Variants in UGT1A6 observed in about 807,000 individuals in gnomAD.
UGT1A6 encodes the protein UDP-glucuronosyltransferase 1A6.
In UGT1A6, 32 loss-of-function variants were observed where a neutral mutation model predicts 44.4. The observed-to-expected ratio is 0.72, with a 90% CI of 0.54 to 0.97. The LOEUF (loss-of-function observed/expected upper bound fraction) is 0.97. Ranked by LOEUF, UGT1A6 falls within the 50% of genes least tolerant of loss-of-function variation. The pLI, the probability that UGT1A6 is intolerant of heterozygous loss-of-function variation, is 0.00. For synonymous variants in UGT1A6, 238 were observed against 248.5 expected (o/e 0.96, Z 0.40); for missense variants, 685 against 661.9 (o/e 1.03, Z -0.38).
chr2:233,762,105 C>T (rs879435361), intron 1 of UGT1A6, among the ~76,000 whole-genome samples: 8 of 151,972 alleles, frequency 5.3e-5, no homozygotes, highest in Non-Finnish European at 1.0e-4. Flanking sequence ...GTTGATTGTC[C>T]GCTTCACATC....
rs1321370763 is a variant in UGT1A6 at position 233,760,541 on chromosome 2, G to A, written c.862-6493G>A. 6.2e-7 allele frequency: 1 copy of A among 1,614,268 alleles called. No homozygotes were observed. Among genetic ancestry groups the A allele is most frequent in the Non-Finnish European group, 8.5e-7 (1 of 1,180,050 alleles). On this transcript the variant is annotated intron_variant, in intron 1 of 4. Coordinates refer to ENST00000305139, the MANE Select transcript of UGT1A6 (RefSeq NM_001072.4). ...AAGACGTACCCTGTGCCATTCCAAA[G>A]GGAGGATGTGAAAGAGTCTTTTGTT... is the stretch of plus-strand genomic sequence containing the variant.
intron 1 of UGT1A6, among the ~76,000 whole-genome samples, chr2:233,702,779 G>A (rs558414235): frequency 6.6e-6 from 1 of 152,162 alleles, no homozygotes; most frequent in African/African-American, 2.4e-5. Context: ...ATTTGCAGGT[G>A]TAAACGAACC....
intron 1 of UGT1A6, among the ~76,000 whole-genome samples, chr2:233,701,252 G>A (rs1473537336): frequency 6.6e-6 from 1 of 152,058 alleles, no homozygotes; most frequent in Non-Finnish European, 1.5e-5. Flanking sequence ...AGATGGCTGG[G>A]TCAAATGGTA....
intron 1 of UGT1A6, among the ~76,000 whole-genome samples, chr2:233,697,807 T>G (rs943865448): frequency 3.9e-5 from 6 of 152,202 alleles, no homozygotes; most frequent in African/African-American, 1.4e-4. Flanking sequence ...TTTTAAATTT[T>G]CTTTTTAATT....
intron 1 of UGT1A6, among the ~76,000 whole-genome samples, chr2:233,733,498 T>C (rs1311327798): frequency 2.0e-5 from 3 of 152,236 alleles, no homozygotes; most frequent in Non-Finnish European, 4.4e-5. Context: ...ACCTAGTTTA[T>C]TGCCAGTTTT....
intron 1 of UGT1A6, among the ~76,000 whole-genome samples, chr2:233,738,155 C>A (rs1206692436): frequency 1.3e-5 from 2 of 152,160 alleles, no homozygotes; most frequent in Non-Finnish European, 2.9e-5. Context: ...GCAAGCTATT[C>A]CTCTTTCTCT....
At chr2:233,715,990 C>G (rs1207588761) in intron 1 of UGT1A6, among the ~76,000 whole-genome samples, 3 of 152,156 alleles carry the variant, frequency 2.0e-5, no homozygotes, top group Non-Finnish European at 4.4e-5. Context: ...TAAAACACAA[C>G]AAAACCCAAA....
At chr2:233,765,565 G>A (rs1156273508) in intron 1 of UGT1A6, among the ~76,000 whole-genome samples, 1 of 152,072 alleles carries the variant, frequency 6.6e-6, no homozygotes, top group Non-Finnish European at 1.5e-5. Context: ...GTGAGAATGC[G>A]TAGACGCAGG....
chr2:233,703,165 C>T (rs1009134822), intron 1 of UGT1A6, among the ~76,000 whole-genome samples: 1 of 152,064 alleles, frequency 6.6e-6, no homozygotes, highest in Non-Finnish European at 1.5e-5. Context: ...CTTCTTGATT[C>T]AATTTCAGTA....
chr2:233,695,707 A>C (rs767200635), intron 1 of UGT1A6, among the ~76,000 whole-genome samples: 1 of 152,126 alleles, frequency 6.6e-6, no homozygotes, highest in African/African-American at 2.4e-5. Context: ...TTCACCTAAC[A>C]TAATGACTTC....
chr2:233,729,850 G>A (rs916795505), intron 1 of UGT1A6: 7 of 1,613,752 alleles, frequency 4.3e-6, no homozygotes, highest in African/African-American at 1.3e-5. Context: ...TTTTCAGAGA[G>A]AGGTGTCAGT....
intron 1 of UGT1A6, among the ~76,000 whole-genome samples, chr2:233,715,235 G>A (rs1381956568): frequency 1.3e-5 from 2 of 152,090 alleles, no homozygotes; most frequent in Non-Finnish European, 2.9e-5. Flanking sequence ...CCAATTCTGT[G>A]AAGGATGTCT....
intron 1 of UGT1A6, among the ~76,000 whole-genome samples, chr2:233,695,130 CT>C (rs71398796): frequency 0.3 from 41,647 of 138,420 alleles, 5,638 homozygotes; most frequent in African/African-American, 0.36. Flanking sequence ...CTTTTCTTTT[CT>C]TTTTTTTTTT....
chr2:233,743,704 C>G, intron 1 of UGT1A6: 2 of 1,367,360 alleles, frequency 1.5e-6, no homozygotes, highest in Non-Finnish European at 2.0e-6. Context: ...CCTCCGCCCC[C>G]GCCTCGCCAT....
At chr2:233,756,610 A>C (rs946399513) in intron 1 of UGT1A6, among the ~76,000 whole-genome samples, 3 of 152,216 alleles carry the variant, frequency 2.0e-5, no homozygotes, top group African/African-American at 7.2e-5. Context: ...GAAACCATTA[A>C]GACTTGCAGG....
In UGT1A6 at chr2:233,693,057, T is replaced by C. The variant is rs765274769; in HGVS notation, c.53T>C (p.Leu18Ser). ...AGAATTTCTGCAGGGGTTTTCTTCT[T>C]AGCACTTTGGGGCATGGTTGTAGGT... ...FQRISAGVFF[L>S]ALWGMVVGDK... is the part of the protein sequence containing the mutation. Residue 18 changes from leucine (L) to serine (S), a missense_variant, in exon 1 of 5, where the codon TTA becomes TCA. Coordinates refer to ENST00000305139, the MANE Select transcript of UGT1A6 (RefSeq NM_001072.4). 6.2e-7 allele frequency: 1 copy of C among 1,614,190 alleles called. No homozygotes were observed. Among genetic ancestry groups the C allele is most frequent in the Non-Finnish European group, 8.5e-7 (1 of 1,180,032 alleles).
chr2:233,771,063 C>G (rs913473960), intron 4 of UGT1A6: 3 of 152,106 alleles, frequency 2.0e-5, no homozygotes, highest in Admixed American at 1.3e-4. Flanking sequence ...ATGACCGGCT[C>G]TCACAATAAC....
chr2:233,769,543 G>A lies in UGT1A6; in HGVS notation c.1301+1104G>A, dbSNP rs750789040. The A allele has an allele frequency of 1.2e-6, 2 of 1,612,968 alleles. No individual in the cohort carries two copies. The highest frequency in any genetic ancestry group is 1.7e-6 in the Non-Finnish European group (2 of 1,179,890). On this transcript the variant is annotated intron_variant, in intron 4 of 4. Transcript: ENST00000305139. The surrounding 1 kb of genome is among the most constrained non-coding windows in gnomAD (Gnocchi z 4.4). The stretch of plus-strand genomic sequence containing the variant: ...TTACCTCCTTTAGAAAGAAGCAGCA[G>A]TCAGGAAGACAGATGTGAAGAGCTG...
rs767667233 is a variant in UGT1A6, at chr2:233,769,803, C to T, written c.1301+1364C>T. ...CCAGAAGTTGGAGGCTGCTATGAGC[C>T]GTGATCATGCCACTGCACTCCAGCA... On this transcript the variant is annotated intron_variant, in intron 4 of 4. Coordinates refer to ENST00000305139, the MANE Select transcript of UGT1A6 (RefSeq NM_001072.4). This position sits in a 1 kb window ranked among gnomAD's most constrained non-coding sequence, Gnocchi z 4.4. 8.1e-6 allele frequency: 9 copies of T among 1,113,138 alleles called. No homozygotes were observed. Among genetic ancestry groups the T allele is most frequent in the Admixed American group, 3.0e-5 (1 of 33,080 alleles). 69.0% of individuals were successfully genotyped at this position (1,113,138 alleles called of 1,614,324 possible).
Sources: gnomAD v4.1 joint callset for allele counts (sites outside exome capture counted in the v4.1 genomes callset) on GRCh38, gnomAD v4.1.1 for gene constraint, Gnocchi (gnomAD v3.1) non-coding constraint, MANE v1.5 for transcripts, NCBI Gene and HGNC (gene_info 2026-07-23, HGNC 2026-07-21) for gene names.